EPB41L3: variants seen among roughly 807,000 people sequenced by gnomAD.
EPB41L3 encodes band 4.1-like protein 3.
Under a neutral mutation model 127.1 loss-of-function variants are expected in EPB41L3, and 57 were observed. That is an observed-to-expected ratio of 0.45 (90% CI 0.36 to 0.56). The LOEUF is 0.56. EPB41L3 is among the 20% of genes least tolerant of loss of function. EPB41L3 has a pLI of 0.00. For synonymous variants in EPB41L3, 572 were observed against 549.5 expected (o/e 1.04, Z -0.57); for missense variants, 1,273 against 1,372.2 (o/e 0.93, Z 1.14).
chr18:5,561,645 G>A (rs1338091789), intron 3 of EPB41L3, among the ~76,000 whole-genome samples: 1 of 152,214 alleles, frequency 6.6e-6, no homozygotes, highest in Non-Finnish European at 1.5e-5. Flanking sequence ...AATTGCTACA[G>A]AGAAGATCCA....
Position 5,469,452 on chromosome 18 carries a change from T to C in EPB41L3, c.381+8789A>G, listed in dbSNP as rs564731489. ...GCCCCGCCATAGCAGCCAGCATGCC[T>C]GGCTGTGTGTATGCCTGGCTGTGTG... On this transcript the variant is annotated intron_variant, in intron 3 of 22. Coordinates refer to ENST00000341928, the MANE Select transcript of EPB41L3 (RefSeq NM_012307.5). 1.5e-4 allele frequency among the ~76,000 whole-genome samples: 11 copies of C among 75,144 alleles called. 1 individual carries two copies. In the South Asian group the frequency reaches 5.0e-3, roughly 34 times the overall value. 49.3% of individuals were successfully genotyped at this position (75,144 alleles called of 152,430 possible). A position where few individuals can be genotyped will look rare whatever the true frequency, so the allele number is the denominator to read the frequency against.
At chr18:5,542,483 C>A (rs899825395) in intron 1 of EPB41L3, among the ~76,000 whole-genome samples, 5 of 152,034 alleles carry the variant, frequency 3.3e-5, no homozygotes, top group Admixed American at 3.3e-4. Context: ...CCCACCCCCC[C>A]TCAACAAAAA....
intron 3 of EPB41L3, among the ~76,000 whole-genome samples, chr18:5,592,909 AAAC>A (rs1355176138): frequency 3.3e-5 from 5 of 152,226 alleles, no homozygotes; most frequent in African/African-American, 1.2e-4. Context: ...TTAAAAAAGA[AAAC>A]AACTTTGTAT....
At chr18:5,400,614 AG>A (rs2074349310) in intron 16 of EPB41L3, 1 of 465,136 alleles carries the variant, frequency 2.1e-6, no homozygotes, top group Admixed American at 2.3e-5. Context: ...GAAACCAATA[AG>A]AATTCAGAAC....
At chr18:5,435,635 A>T (rs1413030015) in intron 6 of EPB41L3, among the ~76,000 whole-genome samples, 1 of 152,300 alleles carries the variant, frequency 6.6e-6, no homozygotes, top group Non-Finnish European at 1.5e-5. Flanking sequence ...AGATGTTCAC[A>T]CAACAACAAA....
chr18:5,477,071 C>G (rs1321053570), intron 3 of EPB41L3, among the ~76,000 whole-genome samples: 1 of 152,190 alleles, frequency 6.6e-6, no homozygotes, highest in African/African-American at 2.4e-5. Context: ...TAGTAACCTA[C>G]CTCTCATCCC....
Position 5,395,643 on chromosome 18 carries a change from G to T in EPB41L3, c.3038C>A (p.Thr1013Asn). Residue 1013 changes from threonine (T) to asparagine (N), a missense_variant, in exon 20 of 23, where the codon ACC becomes AAC. This residue lies in a region of EPB41L3 where 765 missense variants were observed against 782.9 expected (regional missense o/e 0.98). Coordinates refer to ENST00000341928, the MANE Select transcript of EPB41L3 (RefSeq NM_012307.5). The part of the protein sequence containing the change: ...LMSAQTITSE[T>N]TSTTTTTHIT... ...GTGCGTAGTGGTGGTGGTACTGGTG[G>T]TTTCAGATGTGATCGTCTGTGCACT... The T allele has an allele frequency of 6.2e-7, 1 of 1,614,126 alleles. No individual in the cohort carries two copies. The highest frequency in any genetic ancestry group is 8.5e-7 in the Non-Finnish European group (1 of 1,180,016).
chr18:5,452,167 C>A lies in EPB41L3; in HGVS notation c.382-6923G>T, dbSNP rs556022948. 3.9e-4 allele frequency among the ~76,000 whole-genome samples: 59 copies of A among 152,166 alleles called. No homozygotes were observed. In the South Asian group the frequency reaches 0.012, roughly 31 times the overall value. ...CTGACATCTGCATTTTTTAAATATACCCAGGTAATGCATGCTGGTATGCTG... is the reference window on the plus strand; with the variant it reads ...CTGACATCTGCATTTTTTAAATATAACCAGGTAATGCATGCTGGTATGCTG... On this transcript the variant is annotated intron_variant, in intron 3 of 22. Transcript: ENST00000341928.
intron 1 of EPB41L3, among the ~76,000 whole-genome samples, chr18:5,514,783 G>A (rs2092687043): frequency 6.6e-6 from 1 of 152,144 alleles, no homozygotes; most frequent in Non-Finnish European, 1.5e-5. Context: ...ATATGTTTCT[G>A]ACAAGAAGGT....
At chr18:5,480,958 A>G (rs2088362655) in intron 2 of EPB41L3, 1 of 152,242 alleles carries the variant, frequency 6.6e-6, no homozygotes, top group South Asian at 2.1e-4. Flanking sequence ...ATGTTTGAAG[A>G]TTAAAAAAAA....
At chr18:5,618,587 T>C (rs2094824805) in intron 1 of EPB41L3, among the ~76,000 whole-genome samples, 1 of 152,196 alleles carries the variant, frequency 6.6e-6, no homozygotes, top group South Asian at 2.1e-4. Flanking sequence ...CCCCACATCT[T>C]TGATGCTCCT....
chr18:5,394,843 T>C (rs1567954004), intron 21 of EPB41L3, 50 bp from the exon 22 acceptor site: 2 of 1,561,098 alleles, frequency 1.3e-6, no homozygotes, highest in Admixed American at 1.7e-5. Flanking sequence ...AGGTGGAACA[T>C]GCATGATCAG....
chr18:5,441,632 A>AT lies in EPB41L3; in HGVS notation c.529+2205dup, dbSNP rs548121378. On this transcript the variant is annotated intron_variant, in intron 5 of 22. Coordinates refer to ENST00000341928, the MANE Select transcript of EPB41L3 (RefSeq NM_012307.5). The stretch of plus-strand genomic sequence containing the variant: ...AGGCGCACGCCACCATGCCCGGCTA[A>AT]TTTTTGTATTTTTAGTAGAGACGGG... Among the ~76,000 whole-genome samples the AT allele has an allele frequency of 4.2e-3, 635 of 152,072 alleles. 8 individuals carry two copies. In the South Asian group the frequency reaches 0.048, roughly 12 times the overall value.
At chr18:5,630,619 G>A, upstream of EPB41L3, 1 of 464,376 alleles carries the variant, frequency 2.2e-6, no homozygotes, top group Non-Finnish European at 4.2e-6. Flanking sequence ...AGCTGCGGTG[G>A]CGGCACCTCC....
At chr18:5,579,061 A>G (rs1046245557) in intron 3 of EPB41L3, among the ~76,000 whole-genome samples, 2 of 152,222 alleles carry the variant, frequency 1.3e-5, no homozygotes, top group African/African-American at 4.8e-5. Flanking sequence ...TACACACTGG[A>G]ATATTAAACA....
intron 3 of EPB41L3, among the ~76,000 whole-genome samples, chr18:5,565,618 C>T (rs1434635996): frequency 8.3e-6 from 1 of 120,546 alleles, no homozygotes; most frequent in Non-Finnish European, 1.7e-5. Context: ...CCCCTCCCCC[C>T]TCCCCCCACC....
At chr18:5,600,804 CCGCTG>C (rs2094582719) in intron 3 of EPB41L3, among the ~76,000 whole-genome samples, 1 of 152,168 alleles carries the variant, frequency 6.6e-6, no homozygotes, top group South Asian at 2.1e-4. Flanking sequence ...TACCAAGCTG[CCGCTG>C]CAGAGTCAAG....
chr18:5,436,394 A>G (rs369975488), intron 6 of EPB41L3, among the ~76,000 whole-genome samples: 1 of 138,806 alleles, frequency 7.2e-6, no homozygotes, highest in Non-Finnish European at 1.6e-5. Flanking sequence ...CATGCACTAC[A>G]TTTTCTTTCT....
At chr18:5,504,292 AT>A (rs1227938513) in intron 1 of EPB41L3, among the ~76,000 whole-genome samples, 2 of 151,860 alleles carry the variant, frequency 1.3e-5, no homozygotes, top group Non-Finnish European at 2.9e-5. Flanking sequence ...TTTTTTTTTA[AT>A]TTTTTCCCCA....
Sources: gnomAD v4.1 joint callset for allele counts (sites outside exome capture counted in the v4.1 genomes callset) on GRCh38, gnomAD v4.1.1 for gene constraint, gnomAD v4.1.1 regional missense constraint, MANE v1.5 for transcripts, NCBI Gene and HGNC (gene_info 2026-07-23, HGNC 2026-07-21) for gene names.